Variants in PCDHGA4 observed in about 807,000 individuals in gnomAD.
PCDHGA4 encodes protocadherin gamma subfamily A, 4.
Under a neutral mutation model 54.6 loss-of-function variants are expected in PCDHGA4, and 38 were observed. That is an observed-to-expected ratio of 0.70 (90% CI 0.54 to 0.91). The LOEUF is 0.91. Among genes scored for constraint, PCDHGA4 ranks in the 40% least tolerant of loss-of-function variants. PCDHGA4 has a pLI of 0.00. For synonymous variants in PCDHGA4, 511 were observed against 512.9 expected, an observed-to-expected ratio of 1.00 and a Z score of 0.05; for missense variants, 1,298 against 1,220.9, an observed-to-expected ratio of 1.06 and a Z score of -0.94.
intron 1 of PCDHGA4, among the ~76,000 whole-genome samples, chr5:141,479,992 G>A (rs1336315766): frequency 6.6e-6 from 1 of 152,204 alleles, no homozygotes; most frequent in Non-Finnish European, 1.5e-5. Context: ...CCAACTAGGA[G>A]TCTGTGGCCA....
At chr5:141,379,960 T>C (rs1490584684) in intron 1 of PCDHGA4, among the ~76,000 whole-genome samples, 1 of 140,094 alleles carries the variant, frequency 7.1e-6, no homozygotes, top group East Asian at 2.3e-4. Flanking sequence ...AATGCAGTGG[T>C]GTGATCTCTG....
intron 1 of PCDHGA4, chr5:141,428,160 T>C (rs761366261): frequency 6.4e-7 from 1 of 1,572,286 alleles, no homozygotes; most frequent in Non-Finnish European, 8.7e-7. Context: ...AACCTGCTGG[T>C]TGCTGTGCGT....
chr5:141,423,095 A>ACG (rs2096709208), intron 1 of PCDHGA4: 4 of 1,613,860 alleles, frequency 2.5e-6, no homozygotes, highest in African/African-American at 2.7e-5. Flanking sequence ...GTGGGGGAGC[A>ACG]CACGGGCGAG....
At chr5:141,403,746 C>T (rs773668506) in intron 1 of PCDHGA4, 1 of 1,613,904 alleles carries the variant, frequency 6.2e-7, no homozygotes, top group South Asian at 1.1e-5. Context: ...CTTACTGCAA[C>T]AGCCAGCGAC....
intron 1 of PCDHGA4, chr5:141,415,818 A>G: frequency 2.3e-6 from 3 of 1,325,056 alleles, no homozygotes; most frequent in Middle Eastern, 2.8e-4. Context: ...CCTATATATC[A>G]TAAGGCTTTG....
chr5:141,492,461 G>T (rs1218833302), intron 1 of PCDHGA4, among the ~76,000 whole-genome samples: 1 of 152,212 alleles, frequency 6.6e-6, no homozygotes, highest in Non-Finnish European at 1.5e-5. Flanking sequence ...CGCGCCTGAG[G>T]GTCCCAGATC....
intron 1 of PCDHGA4, chr5:141,365,567 GA>G: frequency 6.2e-7 from 1 of 1,613,698 alleles, no homozygotes; most frequent in Non-Finnish European, 8.5e-7. Flanking sequence ...CCTGGACAGA[GA>G]AGAGACTTCA....
rs1266068276 is a variant in PCDHGA4 at position 141,418,847 on chromosome 5, C to T, written c.2514+61226C>T. 1.2e-6 allele frequency: 2 copies of T among 1,613,972 alleles called. No individual in the cohort carries two copies. The highest frequency in any genetic ancestry group is 1.3e-5 in the African/African-American group (1 of 75,054). On this transcript the variant is annotated intron_variant, in intron 1 of 3. Transcript: ENST00000571252. ...AAAAGACCGAGGATCTCTCTCAACACGGTGTAAAGTAATTGTAGAAGTTGT... is the reference window on the plus strand; with the variant it reads ...AAAAGACCGAGGATCTCTCTCAACATGGTGTAAAGTAATTGTAGAAGTTGT...
rs146919978 is a variant in PCDHGA4, at chr5:141,489,268, G to A, written c.2515-5539G>A. 1,443 of 1,553,166 alleles carry A rather than the reference G, an allele frequency of 9.3e-4. 2 individuals are homozygous for A. The highest frequency in any genetic ancestry group is 1.2e-3 in the Non-Finnish European group (1,381 of 1,149,786). On this transcript the variant is annotated intron_variant, in intron 1 of 3. Transcript: ENST00000571252. The surrounding 1 kb of genome is among the most constrained non-coding windows in gnomAD (Gnocchi z 4.5). ...GGGGCCCAAGACACTCCCACAGCTCGCTGGGAAATGGCAAGTGCTGTGCAT... is the reference window on the plus strand; with the variant it reads ...GGGGCCCAAGACACTCCCACAGCTCACTGGGAAATGGCAAGTGCTGTGCAT...
intron 1 of PCDHGA4, chr5:141,408,084 G>A (rs564149257): frequency 7.5e-5 from 106 of 1,418,874 alleles, no homozygotes; most frequent in Middle Eastern, 2.5e-4. Context: ...CCAGCACAGC[G>A]GATTGCCAGC....
Position 141,370,001 on chromosome 5 carries a change from T to G in PCDHGA4, c.2514+12380T>G, listed in dbSNP as rs371025652. Among the ~76,000 whole-genome samples the G allele has an allele frequency of 8.5e-5, 13 of 152,322 alleles. No homozygotes were observed. The South Asian group carries it at 2.5e-3, about 29-fold the overall frequency. On this transcript the variant is annotated intron_variant, in intron 1 of 3. Transcript: ENST00000571252. ...TGATTTGGATGGATAAAGCTCAAATTAAAAGAAATAACAGACTAAAGATAT... is the reference window on the plus strand; with the variant it reads ...TGATTTGGATGGATAAAGCTCAAATGAAAAGAAATAACAGACTAAAGATAT...
intron 1 of PCDHGA4, chr5:141,424,091 G>A: frequency 1.1e-6 from 1 of 879,778 alleles, no homozygotes; most frequent in Non-Finnish European, 1.4e-6. Context: ...ACCATTATTT[G>A]CTATTACTGC....
At chr5:141,405,330 T>C (rs750658260) in intron 1 of PCDHGA4, 1 of 1,614,206 alleles carries the variant, frequency 6.2e-7, no homozygotes, top group East Asian at 2.2e-5. Context: ...CCTTTGTGCG[T>C]CTCTGTTGAT....
intron 1 of PCDHGA4, among the ~76,000 whole-genome samples, chr5:141,481,728 C>T (rs529419213): frequency 2.1e-4 from 32 of 152,032 alleles, no homozygotes; most frequent in African/African-American, 7.2e-4. Flanking sequence ...CGGAGGCGGG[C>T]GGATCACGAG....
In PCDHGA4 at chr5:141,355,836, C is replaced by T. The variant is rs1343860462; in HGVS notation, c.729C>T (p.Leu243=). 6.2e-7 allele frequency: 1 copy of T among 1,612,432 alleles called. No homozygotes were observed. Among genetic ancestry groups the T allele is most frequent in the East Asian group, 2.2e-5 (1 of 44,830 alleles). Residue 243 remains leucine, a synonymous_variant, in exon 1 of 4, where the codon CTC becomes CTT. Coordinates refer to ENST00000571252, the MANE Select transcript of PCDHGA4 (RefSeq NM_018917.4). Reference sequence around the variant, plus strand: ...AAGAGGCGGTTCACCACCTCGTTCTCACGGCCTTCGATGGAGGTGACCCGG... The same window carrying T: ...AAGAGGCGGTTCACCACCTCGTTCTTACGGCCTTCGATGGAGGTGACCCGG... ...REEEAVHHLV[L]TAFDGGDPVR...
intron 1 of PCDHGA4, chr5:141,384,588 G>C: frequency 1.2e-6 from 2 of 1,614,242 alleles, no homozygotes; most frequent in Middle Eastern, 1.6e-4. Context: ...CCGAGATCCT[G>C]TACCCGGCCC....
At chr5:141,379,462 A>G (rs1775613818) in intron 1 of PCDHGA4, 1 of 152,244 alleles carries the variant, frequency 6.6e-6, no homozygotes, top group African/African-American at 2.4e-5. Context: ...ATAAACTCTG[A>G]AAGTGTGAAT....
At chr5:141,422,959 C>G in intron 1 of PCDHGA4, 1 of 1,614,234 alleles carries the variant, frequency 6.2e-7, no homozygotes, top group Non-Finnish European at 8.5e-7. Flanking sequence ...TGGCGTGGAG[C>G]TGGCGCCCCG....
chr5:141,374,029 A>C (rs1460112886), intron 1 of PCDHGA4: 3 of 1,428,780 alleles, frequency 2.1e-6, no homozygotes. Flanking sequence ...AGCAAAAGTG[A>C]TGCAGATCTG....
Sources: gnomAD v4.1 joint callset for allele counts (sites outside exome capture counted in the v4.1 genomes callset) on GRCh38, gnomAD v4.1.1 for gene constraint, Gnocchi (gnomAD v3.1) non-coding constraint, MANE v1.5 for transcripts, NCBI Gene and HGNC (gene_info 2026-07-23, HGNC 2026-07-21) for gene names.